Variants in TEX264 observed in about 807,000 individuals in gnomAD.
TEX264 encodes testis-expressed protein 264.
A neutral mutation model predicts 23.4 loss-of-function variants in TEX264; 13 were observed. The observed-to-expected ratio is 0.56, with a 90% CI of 0.36 to 0.88. TEX264 has a LOEUF of 0.88. Among genes scored for constraint, TEX264 ranks in the 40% least tolerant of loss-of-function variants. TEX264 has a pLI of 0.01. For missense variants in TEX264, 340 were observed against 406.8 expected (o/e 0.84, Z 1.41); for synonymous variants, 159 against 170.0 (o/e 0.94, Z 0.50).
chr3:51,694,030 CCTTCCTT>C (rs1702937294), intron 3 of TEX264, among the ~76,000 whole-genome samples: 3 of 138,196 alleles, frequency 2.2e-5, no homozygotes, highest in African/African-American at 5.9e-5. Context: ...TTCCTTCCTT[CCTTCCTT>C]CCTTCCTTCC....
At chr3:51,688,345 A>G (rs1413263561) in intron 3 of TEX264, among the ~76,000 whole-genome samples, 1 of 152,230 alleles carries the variant, frequency 6.6e-6, no homozygotes, top group Non-Finnish European at 1.5e-5. Flanking sequence ...CTTCGGACAC[A>G]TGGAACAGAC....
chr3:51,677,516 G>A (rs1224113726), intron 2 of TEX264, among the ~76,000 whole-genome samples: 1 of 152,170 alleles, frequency 6.6e-6, no homozygotes, highest in Non-Finnish European at 1.5e-5. Context: ...GTGAGTGTGG[G>A]GAGGCAGTGA....
chr3:51,702,937 G>A (rs1386125362), intron 4 of TEX264, among the ~76,000 whole-genome samples: 2 of 152,212 alleles, frequency 1.3e-5, no homozygotes, highest in African/African-American at 4.8e-5. Context: ...ACCACCAGCA[G>A]AGTGCTCTCA....
intron 1 of TEX264, among the ~76,000 whole-genome samples, 171 bp from the exon 2 acceptor site, chr3:51,674,100 T>C (rs1702147951): frequency 6.6e-6 from 1 of 152,202 alleles, no homozygotes; most frequent in African/African-American, 2.4e-5. Context: ...CAGTCATCCT[T>C]GTAGCTCCCT....
intron 2 of TEX264, among the ~76,000 whole-genome samples, chr3:51,680,420 G>A (rs925580017): frequency 2.0e-5 from 3 of 152,220 alleles, no homozygotes; most frequent in African/African-American, 7.2e-5. Flanking sequence ...GGGCAGTGGG[G>A]CCAGCCTTGG....
At position 51,699,589 on chromosome 3, in the gene TEX264, G is replaced by A. The variant is rs1252300983; in HGVS notation, c.649+15G>A. ...GGATGGCACAGGTACAGAAGGTGGG[G>A]TATGAGGATGGGGCCCTCCTGGAGC... On this transcript the variant is annotated intron_variant, in intron 4 of 4. Transcript: ENST00000341333. 1 of 1,612,772 alleles carries A rather than the reference G, an allele frequency of 6.2e-7. No homozygotes were observed. Among genetic ancestry groups the A allele is most frequent in the South Asian group, 1.1e-5 (1 of 91,054 alleles).
intron 3 of TEX264, among the ~76,000 whole-genome samples, chr3:51,689,246 A>G (rs1443957995): frequency 6.6e-6 from 1 of 152,034 alleles, no homozygotes; most frequent in East Asian, 1.9e-4. Context: ...CAACATGGTG[A>G]AACCTCGTCT....
chr3:51,689,452 TAA>T (rs60760403), intron 3 of TEX264, among the ~76,000 whole-genome samples: 16 of 121,132 alleles, frequency 1.3e-4, no homozygotes, highest in African/African-American at 2.9e-4. Flanking sequence ...GTAAAAACAT[TAA>T]AAAAAAAAAA....
chr3:51,697,156 C>T (rs574848580), intron 3 of TEX264, among the ~76,000 whole-genome samples: 1 of 152,372 alleles, frequency 6.6e-6, no homozygotes, highest in African/African-American at 2.4e-5. Flanking sequence ...AGCCAGGCAA[C>T]TTCAGAGCCG....
chr3:51,688,874 C>T (rs1041795449), intron 3 of TEX264, among the ~76,000 whole-genome samples: 1 of 152,150 alleles, frequency 6.6e-6, no homozygotes, highest in Non-Finnish European at 1.5e-5. Flanking sequence ...TGCCTGTAAT[C>T]CCAACACTTT....
chr3:51,704,192 G>C lies in TEX264; in HGVS notation c.*176G>C. ...TCCTCACTGCCCTTTAGGCTCCCAG[G>C]GCCAGAGGAGCCAGGGACTATTTTC... On this transcript the variant is annotated 3_prime_UTR_variant, in exon 5 of 5. Transcript: ENST00000341333. The C allele has an allele frequency of 2.0e-6, 1 of 511,522 alleles. No homozygotes were observed. Among genetic ancestry groups the C allele is most frequent in the Non-Finnish European group, 3.1e-6 (1 of 326,850 alleles). The allele number at this position is 511,522 out of a possible 1,614,324, so 31.7% of individuals were successfully genotyped here.
chr3:51,690,425 A>G (rs1419441164), intron 3 of TEX264, among the ~76,000 whole-genome samples: 2 of 152,134 alleles, frequency 1.3e-5, no homozygotes, highest in African/African-American at 4.8e-5. Flanking sequence ...TCAGCTACTC[A>G]GGAGGCTGAG....
In TEX264 at chr3:51,703,318, TG is replaced by T. The variant is rs1423537858; in HGVS notation, c.650-401del. ...GACACATCTCTTTCCAAGCTTGAAG[TG>T]GGGGTGGGGGAAGGTGGAGAGGACA... On this transcript the variant is annotated intron_variant, in intron 4 of 4. Coordinates refer to ENST00000341333, the MANE Select transcript of TEX264 (RefSeq NM_015926.6). This position sits in a 1 kb window ranked among gnomAD's most constrained non-coding sequence, Gnocchi z 4.8. Among the ~76,000 whole-genome samples, 1 of 151,876 alleles carries T rather than the reference TG, an allele frequency of 6.6e-6. No homozygotes were observed. The highest frequency in any genetic ancestry group is 2.4e-5 in the African/African-American group (1 of 41,334).
chr3:51,699,022 C>A (rs1703177197), intron 3 of TEX264, among the ~76,000 whole-genome samples: 1 of 152,122 alleles, frequency 6.6e-6, no homozygotes, highest in South Asian at 2.1e-4. Context: ...GAGACCTTGG[C>A]TTAGGCACAT....
chr3:51,692,484 TCTC>T lies in TEX264; in HGVS notation c.481-6919_481-6917del, dbSNP rs547177023. Among the ~76,000 whole-genome samples the T allele has an allele frequency of 1.7e-3, 266 of 152,216 alleles. 1 individual carries two copies. Among genetic ancestry groups the T allele is most frequent in the Middle Eastern group, 3.4e-3 (1 of 294 alleles). On this transcript the variant is annotated intron_variant, in intron 3 of 4. Coordinates refer to ENST00000341333, the MANE Select transcript of TEX264 (RefSeq NM_015926.6). Reference sequence around the variant, plus strand: ...GTTGGAGATGAGAAATTCAGGGCCTTCTCCTTCTCTCCCTCTCTTCTGTCCCCT... The same window carrying T: ...GTTGGAGATGAGAAATTCAGGGCCTTCTTCTCTCCCTCTCTTCTGTCCCCT...
chr3:51,676,260 C>T (rs1239649147), intron 2 of TEX264, among the ~76,000 whole-genome samples: 2 of 152,144 alleles, frequency 1.3e-5, no homozygotes, highest in Admixed American at 1.3e-4. Flanking sequence ...TTCTCATTGG[C>T]GTGTCTGCCT....
chr3:51,684,114 T>C (rs1577505237), intron 2 of TEX264: 1 of 416,286 alleles, frequency 2.4e-6, no homozygotes, highest in East Asian at 4.9e-5. Context: ...CCCTTCCCTC[T>C]CCTGGCCTCC....
intron 3 of TEX264, among the ~76,000 whole-genome samples, chr3:51,698,709 GGGTCTCCCTCT>G (rs1291558659): frequency 3.9e-5 from 6 of 152,178 alleles, no homozygotes; most frequent in African/African-American, 1.4e-4. Flanking sequence ...TTCCAGTCCA[GGGTCTCCCTCT>G]TCCCCATCAG....
chr3:51,683,432 G>T (rs2106938803), intron 2 of TEX264: 1 of 152,320 alleles, frequency 6.6e-6, no homozygotes, highest in East Asian at 1.9e-4. Flanking sequence ...GCTCACATAG[G>T]AGCCTTACAT....
Sources: gnomAD v4.1 joint callset for allele counts (sites outside exome capture counted in the v4.1 genomes callset) on GRCh38, gnomAD v4.1.1 for gene constraint, Gnocchi (gnomAD v3.1) non-coding constraint, MANE v1.5 for transcripts, NCBI Gene and HGNC (gene_info 2026-07-23, HGNC 2026-07-21) for gene names.